The following BBS9 variants were observed in gnomAD, a reference collection of about 807,000 sequenced individuals.
BBS9 encodes protein PTHB1.
A neutral mutation model predicts 117.7 loss-of-function variants in BBS9; 89 were observed. That is an observed-to-expected ratio of 0.76 (90% CI 0.64 to 0.90). The LOEUF (loss-of-function observed/expected upper bound fraction) is 0.90, where lower values mean the gene tolerates loss of function less well. Ranked by LOEUF, BBS9 falls within the 40% of genes least tolerant of loss-of-function variation. BBS9 has a pLI of 0.00. For missense variants in BBS9, 982 were observed against 1,042.2 expected, an observed-to-expected ratio of 0.94 and a Z score of 0.80; for synonymous variants, 379 against 370.9, an observed-to-expected ratio of 1.02 and a Z score of -0.25.
chr7:33,571,484 A>G (rs1238976977), intron 21 of BBS9, among the ~76,000 whole-genome samples: 1 of 152,132 alleles, frequency 6.6e-6, no homozygotes, highest in Admixed American at 6.5e-5. Flanking sequence ...AGTTCTTACC[A>G]TGAGTGGATG....
chr7:33,237,583 C>A (rs1034487056), intron 5 of BBS9, among the ~76,000 whole-genome samples: 1 of 151,902 alleles, frequency 6.6e-6, no homozygotes, highest in African/African-American at 2.4e-5. Context: ...AGGCAGTTGG[C>A]TAAATATTCT....
At chr7:33,321,913 GTTTT>G (rs752764708) in intron 9 of BBS9, among the ~76,000 whole-genome samples, 1 of 150,284 alleles carries the variant, frequency 6.7e-6, no homozygotes. Flanking sequence ...TTTTTTGAGG[GTTTT>G]TTTTTATCAT....
rs1029580458 is a variant in BBS9 at position 33,264,529 on chromosome 7, G to C, written c.702+155G>C. Among the ~76,000 whole-genome samples the C allele has an allele frequency of 4.6e-5, 7 of 151,956 alleles. No individual in the cohort carries two copies. In the East Asian group the frequency reaches 9.6e-4, roughly 21 times the overall value. ...ATATTAATGACCTAAGAATTGAGTT[G>C]GTTGTTGTTGAGCAATGGAAACACA... On this transcript the variant is annotated intron_variant, in intron 7 of 22. Transcript: ENST00000242067.
intron 5 of BBS9, among the ~76,000 whole-genome samples, chr7:33,203,705 T>C (rs1786332946): frequency 9.2e-6 from 1 of 109,152 alleles, no homozygotes; most frequent in Non-Finnish European, 1.9e-5. Flanking sequence ...ATTTTTACGA[T>C]ATTGGAACAC....
intron 7 of BBS9, among the ~76,000 whole-genome samples, chr7:33,266,965 G>A (rs933569702): frequency 2.0e-5 from 3 of 152,144 alleles, no homozygotes; most frequent in South Asian, 4.1e-4. Flanking sequence ...GACTGGTCTC[G>A]ATCTCTTGAC....
intron 4 of BBS9, among the ~76,000 whole-genome samples, chr7:33,156,721 C>T (rs934257960): frequency 6.6e-6 from 1 of 152,130 alleles, no homozygotes; most frequent in Non-Finnish European, 1.5e-5. Flanking sequence ...TTGACAGTGG[C>T]TTTCTTTATT....
Position 33,452,221 on chromosome 7 carries a change from A to G in BBS9, c.2116-53242A>G, listed in dbSNP as rs78399767. Among the ~76,000 whole-genome samples the G allele has an allele frequency of 3.7e-3, 565 of 151,470 alleles. 4 individuals are homozygous for G. Among genetic ancestry groups the G allele is most frequent in the African/African-American group, 0.013 (531 of 41,254 alleles). ...TTTTTTTTTTTTAGCAATGTTTTATAGTTTTTAGTGTACAAGTCTTCTACT... is the reference window on the plus strand; with the variant it reads ...TTTTTTTTTTTTAGCAATGTTTTATGGTTTTTAGTGTACAAGTCTTCTACT... On this transcript the variant is annotated intron_variant, in intron 19 of 22. Transcript: ENST00000242067.
rs112706577 is a variant in BBS9, at chr7:33,612,947, A to G, written c.2522-22230A>G. Among the ~76,000 whole-genome samples, 149 of 152,138 alleles carry G rather than the reference A, an allele frequency of 9.8e-4. 1 individual carries two copies. The highest frequency in any genetic ancestry group is 1.7e-3 in the Non-Finnish European group (114 of 67,968). ...CTTAGCCTCTCTTCACCTCATTTTT[A>G]TATGCACTAAATAGAGATCTATTCA... On this transcript the variant is annotated intron_variant, in intron 21 of 21. Transcript: ENST00000671952.
chr7:33,381,701 T>G (rs1825068281), intron 17 of BBS9, among the ~76,000 whole-genome samples: 1 of 152,118 alleles, frequency 6.6e-6, no homozygotes, highest in Admixed American at 6.5e-5. Context: ...TAATCAGCAT[T>G]ATGGGCAGAA....
At position 33,529,362 on chromosome 7, in the gene BBS9, A is replaced by G. The variant is rs910428008; in HGVS notation, c.2299-4592A>G. ...GGGATCTTGCAGAAGCTAGGCAGCTATCTATCAAGGAGTGACACTTTCAGC... is the reference window on the plus strand; with the variant it reads ...GGGATCTTGCAGAAGCTAGGCAGCTGTCTATCAAGGAGTGACACTTTCAGC... On this transcript the variant is annotated intron_variant, in intron 20 of 22. Coordinates refer to ENST00000242067, the MANE Select transcript of BBS9 (RefSeq NM_198428.3). Among the ~76,000 whole-genome samples the G allele has an allele frequency of 9.9e-5, 15 of 152,176 alleles. 1 individual carries two copies. The highest frequency in any genetic ancestry group is 2.7e-4 in the African/African-American group (11 of 41,458).
At chr7:33,143,862 G>A (rs1584122197) in intron 1 of BBS9, among the ~76,000 whole-genome samples, 1 of 151,764 alleles carries the variant, frequency 6.6e-6, no homozygotes, top group African/African-American at 2.4e-5. Context: ...ACCGCACCCA[G>A]CTCATTTGTG....
rs920762443 is a variant in BBS9, at chr7:33,362,458, G to T, written c.1693+4463G>T. Among the ~76,000 whole-genome samples the T allele has an allele frequency of 3.3e-4, 50 of 152,146 alleles. 1 individual carries two copies. In the East Asian group the frequency reaches 8.5e-3, roughly 26 times the overall value. ...GATATTTATGTGTGATGTGAGGGAT[G>T]GATGAAATTCATGTTTTTGCATCTG... On this transcript the variant is annotated intron_variant, in intron 16 of 22. Coordinates refer to ENST00000242067, the MANE Select transcript of BBS9 (RefSeq NM_198428.3).
intron 10 of BBS9, among the ~76,000 whole-genome samples, chr7:33,340,648 T>G (rs1816317569): frequency 6.6e-6 from 1 of 152,136 alleles, no homozygotes; most frequent in Non-Finnish European, 1.5e-5. Context: ...GCATTGAGAT[T>G]CCTAATGCTG....
intron 21 of BBS9, among the ~76,000 whole-genome samples, chr7:33,558,897 C>T (rs1341920743): frequency 6.6e-6 from 1 of 152,152 alleles, no homozygotes; most frequent in East Asian, 1.9e-4. Context: ...TTTAAAAAGA[C>T]TCCTCACTTG....
chr7:33,242,539 C>CTT (rs144856380), intron 5 of BBS9, among the ~76,000 whole-genome samples: 3 of 151,130 alleles, frequency 2.0e-5, no homozygotes, highest in African/African-American at 7.3e-5. Flanking sequence ...ATTTTATTTA[C>CTT]TTTTTTTTTG....
chr7:33,605,077 T>A, intron 22 of BBS9, 102 bp downstream of exon 22: 2 of 1,465,304 alleles, frequency 1.4e-6, no homozygotes, highest in Admixed American at 1.7e-5. Context: ...AGCTGCTTGT[T>A]TTCCAATTTC....
At chr7:33,474,831 A>G (rs1049746007) in intron 19 of BBS9, among the ~76,000 whole-genome samples, 3 of 152,168 alleles carry the variant, frequency 2.0e-5, no homozygotes, top group African/African-American at 7.2e-5. Flanking sequence ...CTATAATCCC[A>G]GTTACTTGGG....
At chr7:33,134,215 ATTTTTTTTT>A (rs59609414) in intron 1 of BBS9, among the ~76,000 whole-genome samples, 23 of 118,052 alleles carry the variant, frequency 1.9e-4, no homozygotes, top group Admixed American at 1.1e-3. Flanking sequence ...ACGCCTGGCT[ATTTTTTTTT>A]TTTTTTTTTT....
Position 33,155,208 on chromosome 7 carries a change from A to C in BBS9, c.264-430A>C, listed in dbSNP as rs117400150. Among the ~76,000 whole-genome samples the C allele has an allele frequency of 6.3e-4, 96 of 152,346 alleles. 1 individual carries two copies. In the East Asian group the frequency reaches 0.018, roughly 29 times the overall value. The stretch of plus-strand genomic sequence containing the variant: ...TGTTTTGTGATGTTTTAACCTTTCC[A>C]AGATGGTTTCACATTATTTTATTTC... On this transcript the variant is annotated intron_variant, in intron 3 of 22. Transcript: ENST00000242067.
Sources: gnomAD v4.1 joint callset for allele counts (sites outside exome capture counted in the v4.1 genomes callset) on GRCh38, gnomAD v4.1.1 for gene constraint, MANE v1.5 for transcripts, NCBI Gene and HGNC (gene_info 2026-07-23, HGNC 2026-07-21) for gene names.